Variants in SPRED1 observed in about 807,000 individuals in gnomAD.
SPRED1 encodes the protein sprouty-related, EVH1 domain-containing protein 1.
Under a neutral mutation model 52.3 loss-of-function variants are expected in SPRED1, and 18 were observed. The ratio of observed to expected loss-of-function variants is 0.34; its 90% CI spans 0.24 to 0.51. The LOEUF (loss-of-function observed/expected upper bound fraction) is 0.51, where lower values mean the gene tolerates loss of function less well. Among genes scored for constraint, SPRED1 ranks in the 20% least tolerant of loss-of-function variants. The probability of loss-of-function intolerance (pLI) is 0.97; values close to 1 mark genes in which losing one functional copy is unlikely to be tolerated. For synonymous variants in SPRED1, 155 were observed against 179.7 expected, an observed-to-expected ratio of 0.86 and a Z score of 1.10; for missense variants, 485 against 551.0, an observed-to-expected ratio of 0.88 and a Z score of 1.20.
intron 1 of SPRED1, among the ~76,000 whole-genome samples, chr15:38,292,460 C>T (rs779664289): frequency 4.5e-4 from 68 of 152,158 alleles, no homozygotes; most frequent in Non-Finnish European, 1.6e-4. Flanking sequence ...AAGACATACT[C>T]GAGACTGGGA....
At chr15:38,348,699 G>C (rs1195725234) in intron 5 of SPRED1, among the ~76,000 whole-genome samples, 2 of 152,058 alleles carry the variant, frequency 1.3e-5, no homozygotes, top group Admixed American at 6.6e-5. Flanking sequence ...AAATGTTGAT[G>C]ATAAGTGAAG....
rs1443847277 is a variant in SPRED1 at position 38,355,646 on chromosome 15, G to T, written c.*3982G>T. Reference sequence around the variant, plus strand: ...ATTGGGTTTTTAATTGTAGCCCAAAGGTGCATTAAGCAAGTGTAACATTTT... The same window carrying T: ...ATTGGGTTTTTAATTGTAGCCCAAATGTGCATTAAGCAAGTGTAACATTTT... On this transcript the variant is annotated 3_prime_UTR_variant, in exon 7 of 7. Coordinates refer to ENST00000299084, the MANE Select transcript of SPRED1 (RefSeq NM_152594.3). The T allele has an allele frequency of 6.6e-6, 1 of 152,182 alleles. No individual in the cohort carries two copies. The highest frequency in any genetic ancestry group is 1.9e-4 in the East Asian group (1 of 5,194). 9.4% of individuals were successfully genotyped at this position (152,182 alleles called of 1,614,324 possible). A position where few individuals can be genotyped will look rare whatever the true frequency, so the allele number is the denominator to read the frequency against.
chr15:38,339,689 G>A, intron 4 of SPRED1, 48 bp from the exon 5 acceptor site: 1 of 1,576,732 alleles, frequency 6.3e-7, no homozygotes, highest in South Asian at 1.1e-5. Flanking sequence ...TTGTGGTGGT[G>A]GTGGTTTTTA....
Position 38,351,029 on chromosome 15 carries a change from A to G in SPRED1, c.700A>G (p.Ile234Val), listed in dbSNP as rs1199792537. ...TCTTTTTTAGGTCCCTTTGAAATCA[A>G]TCAGACATGTCAGCTTTCAAGATGA... ...KSQNRVPLKS[I>V]RHVSFQDEDE... Residue 234 changes from isoleucine (I) to valine (V), a missense_variant, in exon 7 of 7, where the codon ATC becomes GTC. Physicochemically the swap from Ile to Val is conservative, Grantham distance 29 (BLOSUM62 3). Transcript: ENST00000299084. 1.2e-5 allele frequency: 19 copies of G among 1,613,442 alleles called. No individual in the cohort carries two copies. The highest frequency in any genetic ancestry group is 1.7e-5 in the Admixed American group (1 of 59,920).
At chr15:38,309,118 C>T (rs928623652) in intron 2 of SPRED1, among the ~76,000 whole-genome samples, 2 of 152,060 alleles carry the variant, frequency 1.3e-5, no homozygotes, top group Non-Finnish European at 2.9e-5. Flanking sequence ...CCTTCTTTGG[C>T]GAATGTCAGT....
rs758855467 is a variant in SPRED1 at position 38,299,393 on chromosome 15, G to T, written c.53G>T (p.Arg18Leu). The T allele has an allele frequency of 3.1e-6, 5 of 1,613,812 alleles. No individual in the cohort carries two copies. Among genetic ancestry groups the T allele is most frequent in the Non-Finnish European group, 3.4e-6 (4 of 1,179,860 alleles). The change falls in exon 2 of 7, where the codon CGA (arginine) becomes CTA (leucine). Residue 18 changes from arginine (R) to leucine (L), a missense_variant. Around this residue, in one of 5 missense-constraint regions of SPRED1, gnomAD observed 34 missense variants for 25.8 expected, o/e 1.32. Coordinates refer to ENST00000299084, the MANE Select transcript of SPRED1 (RefSeq NM_152594.3). ...TTTAGTAATAGTTATGCACGAGTGC[G>T]AGCTGTGGTGATGACCCGAGATGAC... ...SDNDNSYARV[R>L]AVVMTRDDSS...
At chr15:38,305,869 T>C (rs953438920) in intron 2 of SPRED1, among the ~76,000 whole-genome samples, 2 of 152,210 alleles carry the variant, frequency 1.3e-5, no homozygotes, top group Non-Finnish European at 2.9e-5. Flanking sequence ...ACAATAGTTA[T>C]AAACTTAGGA....
intron 1 of SPRED1, among the ~76,000 whole-genome samples, chr15:38,289,689 T>C (rs1339482839): frequency 6.6e-6 from 1 of 152,210 alleles, no homozygotes; most frequent in Non-Finnish European, 1.5e-5. Context: ...GAAGCAATAT[T>C]CATGACTTTG....
At chr15:38,330,863 G>T (rs1335479691) in intron 4 of SPRED1, among the ~76,000 whole-genome samples, 1 of 151,906 alleles carries the variant, frequency 6.6e-6, no homozygotes, top group Non-Finnish European at 1.5e-5. Context: ...CTTATTTATT[G>T]GGAATCATAC....
chr15:38,300,804 G>T (rs1895135757), intron 2 of SPRED1, among the ~76,000 whole-genome samples: 1 of 152,090 alleles, frequency 6.6e-6, no homozygotes, highest in Non-Finnish European at 1.5e-5. Flanking sequence ...TCTGGCCTTG[G>T]ATAAAATGGG....
chr15:38,338,398 G>A (rs757873984), intron 4 of SPRED1, among the ~76,000 whole-genome samples: 11 of 148,876 alleles, frequency 7.4e-5, no homozygotes, highest in Non-Finnish European at 1.3e-4. Flanking sequence ...AAATAAATAC[G>A]TTTCCTGAAG....
At chr15:38,349,375 A>C (rs1297150228) in intron 5 of SPRED1, 47 bp from the exon 6 acceptor site, 1 of 1,428,020 alleles carries the variant, frequency 7.0e-7, no homozygotes, top group East Asian at 2.3e-5. Flanking sequence ...AGTTTCATTA[A>C]AAGTAAAATT....
At chr15:38,310,153 G>GTGTGTGTGTGTGTGTGTTT (rs373463622) in intron 2 of SPRED1, among the ~76,000 whole-genome samples, 4 of 132,188 alleles carry the variant, frequency 3.0e-5, no homozygotes, top group Admixed American at 7.8e-5. Context: ...GTGTGTGTGT[G>GTGTGTGTGTGTGTGTGTTT]TTTGGAGACG....
At chr15:38,263,064 A>C (rs956641953) in intron 1 of SPRED1, among the ~76,000 whole-genome samples, 14 of 152,224 alleles carry the variant, frequency 9.2e-5, no homozygotes, top group African/African-American at 3.1e-4. Flanking sequence ...ACAACAAAAC[A>C]GAGCTGGGAA....
At chr15:38,291,485 C>T (rs1233634863) in intron 1 of SPRED1, among the ~76,000 whole-genome samples, 1 of 152,232 alleles carries the variant, frequency 6.6e-6, no homozygotes, top group African/African-American at 2.4e-5. Flanking sequence ...CCCCACATTT[C>T]CCTTCCACAC....
chr15:38,281,296 A>G (rs536200539), intron 1 of SPRED1, among the ~76,000 whole-genome samples: 1 of 152,330 alleles, frequency 6.6e-6, no homozygotes, highest in South Asian at 2.1e-4. Context: ...GAGAGTGAAA[A>G]GATTGATCAT....
chr15:38,265,754 T>C (rs1325566840), intron 1 of SPRED1, among the ~76,000 whole-genome samples: 1 of 152,052 alleles, frequency 6.6e-6, no homozygotes, highest in African/African-American at 2.4e-5. Flanking sequence ...TCATTTTTAA[T>C]GGAAAAAAAC....
intron 2 of SPRED1, among the ~76,000 whole-genome samples, chr15:38,316,552 G>C (rs1416814376): frequency 6.6e-6 from 1 of 151,778 alleles, no homozygotes; most frequent in African/African-American, 2.4e-5. Context: ...CCACATAACT[G>C]TATTTTCCTC....
intron 2 of SPRED1, among the ~76,000 whole-genome samples, chr15:38,311,351 G>A (rs1306223685): frequency 6.6e-6 from 1 of 152,094 alleles, no homozygotes; most frequent in African/African-American, 2.4e-5. Flanking sequence ...TTGCATTTAA[G>A]TTCATTAGAG....
Sources: gnomAD v4.1 joint callset for allele counts (sites outside exome capture counted in the v4.1 genomes callset) on GRCh38, gnomAD v4.1.1 for gene constraint, gnomAD v4.1.1 regional missense constraint, MANE v1.5 for transcripts, NCBI Gene and HGNC (gene_info 2026-07-23, HGNC 2026-07-21) for gene names.